CEP290: variants seen among roughly 807,000 people sequenced by gnomAD.
The protein encoded by CEP290 is centrosomal protein 290.
A neutral mutation model predicts 344.9 loss-of-function variants in CEP290; 317 were observed. That is an observed-to-expected ratio of 0.92 (90% CI 0.84 to 1.01). The LOEUF (loss-of-function observed/expected upper bound fraction) is 1.01, where lower values mean the gene tolerates loss of function less well. CEP290 is among the 50% of genes least tolerant of loss of function. The pLI is 0.00. For synonymous variants in CEP290, 932 were observed against 895.8 expected (o/e 1.04, Z -0.72); for missense variants, 2,754 against 2,761.4 (o/e 1.00, Z 0.06).
At chr12:88,059,195 T>C (rs578204537) in intron 48 of CEP290, among the ~76,000 whole-genome samples, 175 bp from the exon 49 acceptor site, 22 of 152,292 alleles carry the variant, frequency 1.4e-4, no homozygotes, top group African/African-American at 5.3e-4. Flanking sequence ...ATATGGCCAA[T>C]AATAATTAGA....
Position 88,115,185 on chromosome 12 carries a change from G to GA in CEP290, c.1825-4dup. Reference sequence around the variant, plus strand: ...AGTTCTCTTGAAAGAAATTCATTCTGAAAAAAGCAGAGAGAATAAAATTGA... The same window carrying GA: ...AGTTCTCTTGAAAGAAATTCATTCTGAAAAAAAGCAGAGAGAATAAAATTGA... On this transcript the variant is annotated splice_polypyrimidine_tract_variant and splice_region_variant and intron_variant, in intron 18 of 53. Transcript: ENST00000552810. The GA allele has an allele frequency of 1.5e-6, 2 of 1,368,224 alleles. No homozygotes were observed. The highest frequency in any genetic ancestry group is 1.0e-6 in the Non-Finnish European group (1 of 989,832). 84.8% of individuals were successfully genotyped at this position (1,368,224 alleles called of 1,614,324 possible). A position where few individuals can be genotyped will look rare whatever the true frequency, so the allele number is the denominator to read the frequency against.
chr12:88,122,473 C>T (rs562634702), intron 13 of CEP290, among the ~76,000 whole-genome samples: 1 of 152,234 alleles, frequency 6.6e-6, no homozygotes, highest in South Asian at 2.1e-4. Context: ...TATTCTTCAG[C>T]TCTCTGTTCC....
Position 88,077,230 on chromosome 12 carries a change from T to C in CEP290, c.5701A>G (p.Lys1901Glu). ...TATGTTTCTTCACATACCTTTTCTT[T>C]CATAGGTTTTAGGTCTACTTCCTCC... ...KVEEVDLKPM[K>E]EKNAKEELIR... The change falls in exon 41 of 54, where the codon AAA (lysine) becomes GAA (glutamate). Residue 1901 changes from lysine (K) to glutamate (E), a missense_variant. Coordinates refer to ENST00000552810, the MANE Select transcript of CEP290 (RefSeq NM_025114.4). The C allele has an allele frequency of 1.2e-6, 2 of 1,601,948 alleles. No individual in the cohort carries two copies. Among genetic ancestry groups the C allele is most frequent in the Non-Finnish European group, 1.7e-6 (2 of 1,176,138 alleles).
intron 41 of CEP290, among the ~76,000 whole-genome samples, chr12:88,074,161 G>A (rs2035589638): frequency 1.3e-5 from 2 of 152,026 alleles, no homozygotes; most frequent in African/African-American, 4.8e-5. Context: ...GGAGGCGGAG[G>A]TTGCAGTGAG....
intron 26 of CEP290, among the ~76,000 whole-genome samples, chr12:88,102,580 T>C (rs1459234980): frequency 6.6e-6 from 1 of 152,108 alleles, no homozygotes; most frequent in East Asian, 1.9e-4. Context: ...GCAAGTGACC[T>C]AAGGAGAATG....
In CEP290 at chr12:88,130,310, A is replaced by T. The variant is rs371563473; in HGVS notation, c.627T>A (p.Ser209=). ...GEDSDYRSQL[S]KKNYELIQYL... is the part of the protein sequence containing the mutation. ...ATTGGATAAGCTCATAGTTTTTTTT[A>T]GACAACTGTGATCGGTAGTCACTGT... is the stretch of plus-strand genomic sequence containing the variant. Residue 209 remains serine, a synonymous_variant, in exon 9 of 54, where the codon TCT becomes TCA. Transcript: ENST00000552810. 1.9e-6 allele frequency: 3 copies of T among 1,605,906 alleles called. No individual in the cohort carries two copies. The highest frequency in any genetic ancestry group is 3.4e-5 in the Admixed American group (2 of 58,478).
chr12:88,053,048 A>G (rs897739244), intron 52 of CEP290, among the ~76,000 whole-genome samples: 3 of 152,172 alleles, frequency 2.0e-5, no homozygotes, highest in African/African-American at 7.2e-5. Context: ...TTGGGATTAC[A>G]TACACACTTT....
intron 45 of CEP290, 134 bp from the exon 46 acceptor site, chr12:88,062,912 C>A: frequency 3.4e-6 from 2 of 588,056 alleles, no homozygotes; most frequent in Admixed American, 6.2e-5. Flanking sequence ...TCTATATTAA[C>A]AAGGAAGATT....
chr12:88,057,448 G>A (rs898911561), intron 49 of CEP290, among the ~76,000 whole-genome samples: 1 of 152,134 alleles, frequency 6.6e-6, no homozygotes, highest in Non-Finnish European at 1.5e-5. Context: ...ACAAAGGAAC[G>A]ACCAAGAAAT....
rs2038340977 is a variant in CEP290 at position 88,107,076 on chromosome 12, C to A, written c.2506G>T (p.Glu836Ter). The A allele has an allele frequency of 2.6e-6, 4 of 1,547,540 alleles. No individual in the cohort carries two copies. The highest frequency in any genetic ancestry group is 1.2e-5 in the South Asian group (1 of 81,494). ...YLSEKETWKT[E>*]SKTIKEEKRK... ...TTTTCCTCTTTTATTGTTTTAGATT[C>A]TGTTTTCCAGGTCTCCTTTTCACTA... is the stretch of plus-strand genomic sequence containing the variant. Residue 836 changes from glutamate to a stop codon, truncating the protein, a stop_gained, in exon 24 of 54, where the codon GAA becomes TAA. Coordinates refer to ENST00000552810, the MANE Select transcript of CEP290 (RefSeq NM_025114.4). LOFTEE classifies it high-confidence loss of function.
chr12:88,065,556 A>G (rs2034856222), intron 44 of CEP290, among the ~76,000 whole-genome samples: 1 of 152,194 alleles, frequency 6.6e-6, no homozygotes, highest in Non-Finnish European at 1.5e-5. Context: ...TTTTAAGGTT[A>G]TTTCAGATAT....
chr12:88,055,485 G>A (rs1052182960), intron 50 of CEP290, 91 bp downstream of exon 50: 2 of 1,158,902 alleles, frequency 1.7e-6, no homozygotes, highest in Non-Finnish European at 1.2e-6. Context: ...CTTCTTAATA[G>A]AGTCCATTTT....
intron 20 of CEP290, among the ~76,000 whole-genome samples, chr12:88,112,365 CATTCA>C: frequency 6.6e-6 from 1 of 152,206 alleles, no homozygotes; most frequent in African/African-American, 2.4e-5. Context: ...ATCAATACAA[CATTCA>C]ATTAAGTGAA....
intron 6 of CEP290, chr12:88,136,345 T>A (rs1171791740): frequency 3.3e-6 from 1 of 305,906 alleles, no homozygotes; most frequent in Non-Finnish European, 6.0e-6. Context: ...GAAAATCTAT[T>A]AGTTACTTGA....
chr12:88,085,964 A>G, intron 34 of CEP290, 75 bp downstream of exon 34: 1 of 1,365,456 alleles, frequency 7.3e-7, no homozygotes, highest in Non-Finnish European at 9.9e-7. Flanking sequence ...TTGCCCTCAT[A>G]AAGAAATATT....
chr12:88,085,288 A>C (rs1180420629), intron 34 of CEP290, among the ~76,000 whole-genome samples: 2 of 152,140 alleles, frequency 1.3e-5, no homozygotes, highest in Non-Finnish European at 2.9e-5. Flanking sequence ...ATAAATTACG[A>C]ATATAAAATC....
At chr12:88,054,479 C>A in intron 50 of CEP290, 66 bp from the exon 51 acceptor site, 3 of 1,229,134 alleles carry the variant, frequency 2.4e-6, no homozygotes, top group Non-Finnish European at 3.5e-6. Context: ...TATAAAGATA[C>A]ACATTTTTAA....
rs1490932099 is a variant in CEP290 at position 88,121,108 on chromosome 12, T to G, written c.1248A>C (p.Leu416Phe). 6.2e-7 allele frequency: 1 copy of G among 1,613,412 alleles called. No homozygotes were observed. The highest frequency in any genetic ancestry group is 8.5e-7 in the Non-Finnish European group (1 of 1,179,658). ...HMKIQSTLDI[L>F]KEKTKEAERT... is the part of the protein sequence containing the mutation. The stretch of plus-strand genomic sequence containing the variant: ...TCTCAGCCTCTTTAGTTTTCTCTTT[T>G]AAAATGTCTAACGTTGACTGAATTT... The change falls in exon 14 of 54, where the codon TTA becomes TTC. Residue 416 changes from leucine (L) to phenylalanine (F), a missense_variant. Transcript: ENST00000552810.
intron 12 of CEP290, among the ~76,000 whole-genome samples, chr12:88,125,778 G>C (rs1311505517): frequency 6.6e-6 from 1 of 151,884 alleles, no homozygotes; most frequent in Non-Finnish European, 1.5e-5. Context: ...GTTGTCCCCT[G>C]TAATTGTTCT....
Sources: allele counts gnomAD v4.1 joint callset (sites outside exome capture counted in the v4.1 genomes callset), GRCh38; gene constraint gnomAD v4.1.1; transcripts MANE v1.5; gene names NCBI Gene and HGNC (gene_info 2026-07-23, HGNC 2026-07-21).